RNF213: variants seen among roughly 807,000 people sequenced by gnomAD.
RNF213 encodes the protein ring finger protein 213.
A neutral mutation model predicts 514.4 loss-of-function variants in RNF213; 341 were observed. The ratio of observed to expected loss-of-function variants is 0.66; its 90% CI spans 0.61 to 0.73. The LOEUF (loss-of-function observed/expected upper bound fraction) is 0.73, where lower values mean the gene tolerates loss of function less well. Among genes scored for constraint, RNF213 ranks in the 30% least tolerant of loss-of-function variants. RNF213 has a pLI of 0.00. For synonymous variants in RNF213, 2,655 were observed against 2,658.2 expected, an observed-to-expected ratio of 1.00 and a Z score of 0.04; for missense variants, 5,767 against 6,615.6, an observed-to-expected ratio of 0.87 and a Z score of 4.45.
Position 80,307,496 on chromosome 17 carries a change from G to A in RNF213, c.2501+295G>A, listed in dbSNP as rs1195859422. ...TCCTGTCTCAGCCTCCCGAGTAGCTGGGATTACAGGCGCACCCCACCACGC... is the reference window on the plus strand; with the variant it reads ...TCCTGTCTCAGCCTCCCGAGTAGCTAGGATTACAGGCGCACCCCACCACGC... On this transcript the variant is annotated intron_variant, in intron 13 of 67. Coordinates refer to ENST00000582970, the MANE Select transcript of RNF213 (RefSeq NM_001256071.3). 2.0e-5 allele frequency among the ~76,000 whole-genome samples: 3 copies of A among 151,580 alleles called. No individual in the cohort carries two copies. The East Asian group carries it at 5.8e-4, about 29-fold the overall frequency.
At chr17:80,336,992 A>ATACCTG (rs2144032135) in intron 23 of RNF213, 1 of 168,130 alleles carries the variant, frequency 5.9e-6, no homozygotes, top group East Asian at 1.7e-4. Context: ...GCTTAACTAG[A>ATACCTG]TACCTGGGCC....
In RNF213 at chr17:80,397,568, A is replaced by T. The variant is rs1443566345; in HGVS notation, c.*4070A>T. 1 of 151,978 alleles carries T rather than the reference A, an allele frequency of 6.6e-6. No individual in the cohort carries two copies. Among genetic ancestry groups the T allele is most frequent in the African/African-American group, 2.4e-5 (1 of 41,332 alleles). The allele number at this position is 151,978 out of a possible 1,614,324, so 9.4% of individuals were successfully genotyped here. A position where few individuals can be genotyped will look rare whatever the true frequency, so the allele number is the denominator to read the frequency against. On this transcript the variant is annotated 3_prime_UTR_variant, in exon 68 of 68. Coordinates refer to ENST00000582970, the MANE Select transcript of RNF213 (RefSeq NM_001256071.3). Reference sequence around the variant, plus strand: ...TCTGTTCCGTTCTAATTACGGGTGCATGCAGCCCCCAGTCACGTACCCCCT... The same window carrying T: ...TCTGTTCCGTTCTAATTACGGGTGCTTGCAGCCCCCAGTCACGTACCCCCT...
chr17:80,337,765 C>G, intron 24 of RNF213, 39 bp downstream of exon 24: 1 of 1,537,054 alleles, frequency 6.5e-7, no homozygotes, highest in Non-Finnish European at 8.7e-7. Context: ...TGCGGCCCTT[C>G]TGCAGGCTGC....
chr17:80,289,567 G>A (rs1174037926), intron 5 of RNF213, 92 bp from the exon 6 acceptor site: 16 of 1,401,552 alleles, frequency 1.1e-5, no homozygotes, highest in Non-Finnish European at 1.5e-5. Flanking sequence ...TCCAGCCTTG[G>A]TAATAAGAGC....
chr17:80,352,660 A>G, intron 32 of RNF213: 1 of 609,568 alleles, frequency 1.6e-6, no homozygotes, highest in Non-Finnish European at 3.0e-6. Context: ...TGGGTGAAAG[A>G]ACCACAGGCC....
chr17:80,377,860 G>T lies in RNF213; in HGVS notation c.13545+64G>T. The stretch of plus-strand genomic sequence containing the variant: ...GTGCACTCCTGGGTTGGAGGAGGGG[G>T]ATCGTGGGTCAGGAGAGTGAGGCTC... On this transcript the variant is annotated intron_variant, in intron 54 of 67. Transcript: ENST00000582970. The surrounding 1 kb of genome is among the most constrained non-coding windows in gnomAD (Gnocchi z 4.1). The T allele has an allele frequency of 6.3e-7, 1 of 1,577,138 alleles. No homozygotes were observed. The highest frequency in any genetic ancestry group is 1.1e-5 in the South Asian group (1 of 90,252).
intron 15 of RNF213, among the ~76,000 whole-genome samples, chr17:80,314,113 TGGTGGTGAA>T (rs2045724102): frequency 9.2e-6 from 1 of 108,128 alleles, no homozygotes; most frequent in Non-Finnish European, 1.9e-5. Flanking sequence ...GAGGTGATGG[TGGTGGTGAA>T]GGTGATGGTG....
Position 80,353,503 on chromosome 17 carries a change from C to A in RNF213, c.10424-9C>A. On this transcript the variant is annotated splice_polypyrimidine_tract_variant and intron_variant, in intron 33 of 67. Transcript: ENST00000582970. The surrounding 1 kb of genome is among the most constrained non-coding windows in gnomAD (Gnocchi z 5.0). ...AGTGGTAACGCAATCACGTTTGCTT[C>A]GACTGCAGTGGGCTTGGAACACCGG... 6.2e-7 allele frequency: 1 copy of A among 1,604,198 alleles called. No homozygotes were observed. The highest frequency in any genetic ancestry group is 8.5e-7 in the Non-Finnish European group (1 of 1,175,252).
chr17:80,346,726 C>T lies in RNF213; in HGVS notation c.8391C>T (p.Arg2797=). 1 of 1,612,180 alleles carries T rather than the reference C, an allele frequency of 6.2e-7. No individual in the cohort carries two copies. Among genetic ancestry groups the T allele is most frequent in the Non-Finnish European group, 8.5e-7 (1 of 1,179,908 alleles). ...CGGCTGCCTACTCAGATCTCTTCCG[C>T]AGCCTGAAGCAGGTCCACCTGGTGT... ...QGPAAYSDLF[R]SLKQVHLVSF... The change falls in exon 29 of 68, where the codon CGC becomes CGT. Residue 2797 remains arginine, a synonymous_variant. Coordinates refer to ENST00000582970, the MANE Select transcript of RNF213 (RefSeq NM_001256071.3). This position sits in a 1 kb window ranked among gnomAD's most constrained non-coding sequence, Gnocchi z 8.1.
intron 36 of RNF213, among the ~76,000 whole-genome samples, chr17:80,357,379 C>T (rs1340793517): frequency 1.3e-5 from 2 of 152,186 alleles, no homozygotes; most frequent in Non-Finnish European, 2.9e-5. Flanking sequence ...GCCTGCCTGT[C>T]CATCCACCCA....
chr17:80,295,708 T>C lies in RNF213; in HGVS notation c.1907T>C (p.Leu636Ser). The C allele has an allele frequency of 1.2e-6, 2 of 1,614,222 alleles. No homozygotes were observed. The highest frequency in any genetic ancestry group is 1.6e-4 in the Middle Eastern group (1 of 6,062). ...TTTGTAGTGGAAAAAATTGAGCTTT[T>C]ATTAGAAGGCAGCCTGGACTGGTTG... ...VLFVVEKIEL[L>S]LEGSLDWLCH... Residue 636 changes from leucine to serine, a missense_variant, in exon 10 of 68, where the codon TTA becomes TCA. By Grantham distance (145) the Leu-to-Ser change is moderately radical. Around this residue, in one of 13 missense-constraint regions of RNF213, gnomAD observed 592 missense variants for 673.9 expected, o/e 0.88. Coordinates refer to ENST00000582970, the MANE Select transcript of RNF213 (RefSeq NM_001256071.3).
intron 17 of RNF213, chr17:80,320,625 G>A (rs1032970690): frequency 8.5e-5 from 13 of 152,118 alleles, no homozygotes; most frequent in African/African-American, 3.1e-4. Context: ...CCCGACCTCA[G>A]GTGATCCACC....
chr17:80,373,453 G>A (rs2079607857), intron 49 of RNF213, among the ~76,000 whole-genome samples: 1 of 151,916 alleles, frequency 6.6e-6, no homozygotes, highest in East Asian at 1.9e-4. Context: ...CTGTGCTTCA[G>A]CTGATTTGCC....
chr17:80,356,789 T>A (rs982694776), intron 36 of RNF213, among the ~76,000 whole-genome samples: 17 of 152,268 alleles, frequency 1.1e-4, no homozygotes, highest in Non-Finnish European at 2.5e-4. Flanking sequence ...CTGGGATGCT[T>A]TATTTTCCCA....
Position 80,377,479 on chromosome 17 carries a change from T to C in RNF213, c.13511-283T>C, listed in dbSNP as rs1036590931. On this transcript the variant is annotated intron_variant, in intron 53 of 67. Coordinates refer to ENST00000582970, the MANE Select transcript of RNF213 (RefSeq NM_001256071.3). The surrounding 1 kb of genome is among the most constrained non-coding windows in gnomAD (Gnocchi z 4.1). The stretch of plus-strand genomic sequence containing the variant: ...AGGAAAATAGAAAGGTCTAGAATCC[T>C]GTCCACCTTGCCTCCAAAAGTACCC... Among the ~76,000 whole-genome samples, 9 of 151,944 alleles carry C rather than the reference T, an allele frequency of 5.9e-5. No individual in the cohort carries two copies. The highest frequency in any genetic ancestry group is 1.3e-4 in the Non-Finnish European group (9 of 67,994).
rs375680172 is a variant in RNF213 at position 80,353,674 on chromosome 17, C to T, written c.10578+8C>T. The T allele has an allele frequency of 6.2e-7, 1 of 1,614,176 alleles. No individual in the cohort carries two copies. Among genetic ancestry groups the T allele is most frequent in the Non-Finnish European group, 8.5e-7 (1 of 1,180,032 alleles). On this transcript the variant is annotated splice_region_variant and intron_variant, in intron 34 of 67. Transcript: ENST00000582970. The surrounding 1 kb of genome is among the most constrained non-coding windows in gnomAD (Gnocchi z 5.0). ...GAACTCGGAGGCAGTGATGTAAGTT[C>T]TGGTTCTTGGGACCTCCCCTTGTGC...
intron 42 of RNF213, 63 bp downstream of exon 42, chr17:80,364,616 C>T: frequency 6.2e-7 from 1 of 1,604,252 alleles, no homozygotes; most frequent in Non-Finnish European, 8.5e-7. Context: ...GGAAGAACAG[C>T]ACTGACAGTG....
At chr17:80,337,449 G>A (rs1401460636) in intron 23 of RNF213, 137 bp from the exon 24 acceptor site, 11 of 1,167,344 alleles carry the variant, frequency 9.4e-6, no homozygotes, top group South Asian at 1.6e-5. Flanking sequence ...CTGGGTGGGC[G>A]ACTGCGTCCT....
chr17:80,314,088 A>ATGGTGGTGG (rs1198634332), intron 15 of RNF213, among the ~76,000 whole-genome samples: 22 of 42,830 alleles, frequency 5.1e-4, no homozygotes, highest in Non-Finnish European at 6.8e-4. Flanking sequence ...GGTGGAGGTG[A>ATGGTGGTGG]TGGTGGAGGT....
Sources: allele counts gnomAD v4.1 joint callset (sites outside exome capture counted in the v4.1 genomes callset), GRCh38; gene constraint gnomAD v4.1.1; regional missense constraint gnomAD v4.1.1; non-coding constraint Gnocchi (gnomAD v3.1); transcripts MANE v1.5; gene names NCBI Gene and HGNC (gene_info 2026-07-23, HGNC 2026-07-21).